The following NMU variants were observed in gnomAD, a reference collection of about 807,000 sequenced individuals.
NMU encodes the protein neuromedin-U.
Under a neutral mutation model 35.4 loss-of-function variants are expected in NMU, and 29 were observed. The observed-to-expected ratio is 0.82, with a 90% CI of 0.61 to 1.12. The LOEUF (loss-of-function observed/expected upper bound fraction) is 1.12, where lower values mean the gene tolerates loss of function less well. NMU is among the 50% of genes most tolerant of loss of function. NMU has a pLI of 0.00. For missense variants in NMU, 199 were observed against 206.2 expected, an observed-to-expected ratio of 0.97 and a Z score of 0.21; for synonymous variants, 78 against 81.3, an observed-to-expected ratio of 0.96 and a Z score of 0.22.
At chr4:55,606,380 A>T (rs1174708581) in intron 6 of NMU, among the ~76,000 whole-genome samples, 1 of 152,234 alleles carries the variant, frequency 6.6e-6, no homozygotes, top group Non-Finnish European at 1.5e-5. Flanking sequence ...CTAATACTAC[A>T]TGATTTTAAA....
intron 7 of NMU, among the ~76,000 whole-genome samples, chr4:55,602,394 A>G (rs1733463973): frequency 6.6e-6 from 1 of 152,172 alleles, no homozygotes; most frequent in Non-Finnish European, 1.5e-5. Flanking sequence ...ATTTTCTTTC[A>G]TAGCTTTCTA....
intron 1 of NMU, among the ~76,000 whole-genome samples, chr4:55,635,194 T>C (rs1452081818): frequency 6.6e-6 from 1 of 152,142 alleles, no homozygotes; most frequent in Non-Finnish European, 1.5e-5. Context: ...GACTTGGGGA[T>C]GAATGACGGT....
At chr4:55,626,296 T>C (rs1734527611) in intron 2 of NMU, among the ~76,000 whole-genome samples, 1 of 152,256 alleles carries the variant, frequency 6.6e-6, no homozygotes, top group Admixed American at 6.5e-5. Context: ...CTGTAAACTG[T>C]TCTTATCCTT....
rs547425162 is a variant in NMU, at chr4:55,634,008, C to A, written c.112+2073G>T. ...ATCTGTGGCTGACCCTTTATCTTCG[C>A]ATGGCCATTGTATGCTCTAATTGTT... On this transcript the variant is annotated intron_variant, in intron 1 of 9. Transcript: ENST00000264218. Among the ~76,000 whole-genome samples, 7 of 152,300 alleles carry A rather than the reference C, an allele frequency of 4.6e-5. No individual in the cohort carries two copies. In the South Asian group the frequency reaches 6.2e-4, roughly 14 times the overall value.
chr4:55,636,395 G>T (rs1169044133), upstream of NMU: 2 of 721,172 alleles, frequency 2.8e-6, no homozygotes, highest in East Asian at 7.0e-5. This position sits in a 1 kb window ranked among gnomAD's most constrained non-coding sequence, Gnocchi z 4.0. Flanking sequence ...GCCGCCCCCG[G>T]CCTACCTCGC....
intron 3 of NMU, among the ~76,000 whole-genome samples, chr4:55,615,403 G>T (rs914638364): frequency 6.6e-6 from 1 of 152,178 alleles, no homozygotes; most frequent in African/African-American, 2.4e-5. Flanking sequence ...AAAGCTCAGA[G>T]TCACTGTCTG....
chr4:55,616,386 C>A lies in NMU; in HGVS notation c.172-1G>T, dbSNP rs1183559038. ...GAAAAGACGAACAAGTATCATCTAT[C>A]TGTAGAAAACAAAAATGTCAGTTAC... On this transcript the variant is annotated splice_acceptor_variant, in intron 2 of 9. Transcript: ENST00000264218. LOFTEE classifies it high-confidence loss of function. 1 of 1,610,004 alleles carries A rather than the reference C, an allele frequency of 6.2e-7. No individual in the cohort carries two copies. Among genetic ancestry groups the A allele is most frequent in the African/African-American group, 1.3e-5 (1 of 74,844 alleles).
At chr4:55,619,221 G>A in intron 2 of NMU, among the ~76,000 whole-genome samples, 1 of 150,896 alleles carries the variant, frequency 6.6e-6, no homozygotes, top group Admixed American at 6.6e-5. Flanking sequence ...CGACGCAGAA[G>A]ACGGGTGATT....
At chr4:55,600,931 A>G (rs995545090) in intron 7 of NMU, among the ~76,000 whole-genome samples, 1 of 152,176 alleles carries the variant, frequency 6.6e-6, no homozygotes. Flanking sequence ...GAAATAATTT[A>G]TTTAAAATAC....
intron 1 of NMU, among the ~76,000 whole-genome samples, chr4:55,633,645 T>C: frequency 6.6e-6 from 1 of 152,216 alleles, no homozygotes; most frequent in Non-Finnish European, 1.5e-5. Context: ...AATAATAACT[T>C]GTATATCCGT....
In NMU at chr4:55,634,232, G is replaced by C. The variant is rs1355956268; in HGVS notation, c.112+1849C>G. ...TGCCATCTTTAGGGATTCAGGACTG[G>C]GGCAGATCACATGGCTATTCACCCT... On this transcript the variant is annotated intron_variant, in intron 1 of 9. Transcript: ENST00000264218. Among the ~76,000 whole-genome samples the C allele has an allele frequency of 3.3e-5, 5 of 152,132 alleles. No homozygotes were observed. The South Asian group carries it at 1.0e-3, about 32-fold the overall frequency.
chr4:55,618,709 T>TC (rs1301558037), intron 2 of NMU, among the ~76,000 whole-genome samples: 3 of 140,608 alleles, frequency 2.1e-5, no homozygotes, highest in Non-Finnish European at 4.7e-5. Context: ...CTTCTTTCTT[T>TC]TTCTTTCTTC....
chr4:55,609,289 A>G (rs1485006309), intron 3 of NMU, 110 bp from the exon 4 acceptor site: 2 of 806,780 alleles, frequency 2.5e-6, no homozygotes, highest in Middle Eastern at 2.2e-4. Flanking sequence ...CTACCTGGAA[A>G]AGAATCCTTC....
chr4:55,606,479 C>T (rs546683574), intron 6 of NMU, among the ~76,000 whole-genome samples: 4 of 152,136 alleles, frequency 2.6e-5, no homozygotes, highest in South Asian at 4.1e-4. Flanking sequence ...GAAGATCTTA[C>T]GAATAGAAGA....
upstream of NMU, chr4:55,636,361 C>G: frequency 1.9e-6 from 2 of 1,044,632 alleles, no homozygotes; most frequent in Non-Finnish European, 2.5e-6. This position sits in a 1 kb window ranked among gnomAD's most constrained non-coding sequence, Gnocchi z 4.0. Context: ...TGCGCGGTCC[C>G]CGCCGCGCGT....
At chr4:55,609,958 T>C (rs772820767) in intron 3 of NMU, among the ~76,000 whole-genome samples, 6 of 152,164 alleles carry the variant, frequency 3.9e-5, no homozygotes, top group Admixed American at 6.5e-5. Context: ...AGCTATGGAG[T>C]TGGGAAGCCT....
chr4:55,604,679 A>ATTTTAT (rs1733604249), intron 7 of NMU, among the ~76,000 whole-genome samples: 1 of 47,610 alleles, frequency 2.1e-5, no homozygotes, highest in Non-Finnish European at 3.2e-5. Context: ...TGCCTGGCTA[A>ATTTTAT]TTTTTTTTTT....
chr4:55,635,665 C>T (rs927551610), intron 1 of NMU, among the ~76,000 whole-genome samples: 5 of 152,366 alleles, frequency 3.3e-5, no homozygotes, highest in South Asian at 4.1e-4. Flanking sequence ...ATCAAACTCA[C>T]TCTTGTTTTG....
At position 55,636,123 on chromosome 4, in the gene NMU, G is replaced by T. The variant is rs1490286875; in HGVS notation, c.70C>A (p.Leu24Met). Reference protein sequence around the residue: ...GQVAAASPLLLLLLLLAWCAG... With the variant: ...GQVAAASPLLMLLLLLAWCAG... ...CACCAGGCGAGCAGCAGCAGCAGCA[G>T]CAGGAGCGGGGACGCCGCGGCCACC... The change falls in exon 1 of 10, where the codon CTG becomes ATG. Residue 24 changes from leucine to methionine, a missense_variant. Physicochemically the swap from Leu to Met is conservative, Grantham distance 15 (BLOSUM62 2). Coordinates refer to ENST00000264218, the MANE Select transcript of NMU (RefSeq NM_006681.4). This position sits in a 1 kb window ranked among gnomAD's most constrained non-coding sequence, Gnocchi z 4.0. 2.5e-5 allele frequency: 38 copies of T among 1,528,296 alleles called. No homozygotes were observed. Among genetic ancestry groups the T allele is most frequent in the Non-Finnish European group, 3.0e-5 (34 of 1,143,692 alleles). The allele number at this position is 1,528,296 out of a possible 1,614,324, so 94.7% of individuals were successfully genotyped here. A position where few individuals can be genotyped will look rare whatever the true frequency, so the allele number is the denominator to read the frequency against.
Sources: gnomAD v4.1 joint callset for allele counts (sites outside exome capture counted in the v4.1 genomes callset) on GRCh38, gnomAD v4.1.1 for gene constraint, Gnocchi (gnomAD v3.1) non-coding constraint, MANE v1.5 for transcripts, NCBI Gene and HGNC (gene_info 2026-07-23, HGNC 2026-07-21) for gene names.